CACNA1D: variants seen among roughly 807,000 people sequenced by gnomAD.
CACNA1D encodes the protein voltage-dependent L-type calcium channel subunit alpha-1D.
In CACNA1D, 55 loss-of-function variants were observed where a neutral mutation model predicts 257.1. That is an observed-to-expected ratio of 0.21 (90% CI 0.17 to 0.27). The LOEUF is 0.27. Among genes scored for constraint, CACNA1D ranks in the 10% least tolerant of loss-of-function variants. CACNA1D has a pLI of 1.00. For missense variants in CACNA1D, 1,876 were observed against 2,784.0 expected, an observed-to-expected ratio of 0.67 and a Z score of 7.34; for synonymous variants, 980 against 1,014.9, an observed-to-expected ratio of 0.97 and a Z score of 0.65.
At chr3:53,536,744 A>G (rs2092125666) in intron 3 of CACNA1D, among the ~76,000 whole-genome samples, 1 of 152,246 alleles carries the variant, frequency 6.6e-6, no homozygotes, top group Admixed American at 6.5e-5. Context: ...GTAAAGTTTT[A>G]TTGGAACACA....
chr3:53,736,469 A>G (rs1369761509), intron 20 of CACNA1D, among the ~76,000 whole-genome samples: 7 of 152,236 alleles, frequency 4.6e-5, no homozygotes, highest in Admixed American at 4.6e-4. Context: ...TTGGCCCCAG[A>G]TAGCCAATAT....
chr3:53,531,292 G>A (rs1365870416), intron 3 of CACNA1D, among the ~76,000 whole-genome samples: 1 of 152,112 alleles, frequency 6.6e-6, no homozygotes, highest in African/African-American at 2.4e-5. Context: ...TAAGAATAAT[G>A]CGTTTGGAAT....
At chr3:53,692,693 A>G (rs2094539001) in intron 8 of CACNA1D, among the ~76,000 whole-genome samples, 1 of 152,216 alleles carries the variant, frequency 6.6e-6, no homozygotes, top group Non-Finnish European at 1.5e-5. Context: ...ACCGACTCTG[A>G]AAATGATTCA....
At chr3:53,581,141 C>T (rs1302108323) in intron 3 of CACNA1D, among the ~76,000 whole-genome samples, 1 of 152,158 alleles carries the variant, frequency 6.6e-6, no homozygotes, top group African/African-American at 2.4e-5. Context: ...TGATGTGCAG[C>T]GCTTGTCAAA....
rs2095063491 is a variant in CACNA1D at position 53,736,960 on chromosome 3, TATCCATGGGTTTGGC to T, written c.2751+1466_2751+1480del. Among the ~76,000 whole-genome samples the T allele has an allele frequency of 1.3e-5, 2 of 151,512 alleles. 1 individual carries two copies. Among genetic ancestry groups the T allele is most frequent in the South Asian group, 4.2e-4 (2 of 4,796 alleles). On this transcript the variant is annotated intron_variant, in intron 20 of 47. Transcript: ENST00000350061. ...AGGTGGCTATCCAGTTAGCCCTCTG[TATCCATGGGTTTGGC>T]ATCCATGGATTCAACCAACCACAGA...
At chr3:53,649,285 A>G (rs1037827) in intron 3 of CACNA1D, among the ~76,000 whole-genome samples, 77,720 of 152,082 alleles carry the variant, frequency 0.51, 20,123 homozygotes, top group East Asian at 0.68. Context: ...ATGTTTCTGA[A>G]TATAAAGTGT....
intron 46 of CACNA1D, chr3:53,809,074 G>C: frequency 2.5e-6 from 1 of 404,874 alleles, no homozygotes; most frequent in East Asian, 5.1e-5. Flanking sequence ...TACAGAGCCT[G>C]ATGTGATCTG....
chr3:53,604,838 A>T (rs1348337003), intron 3 of CACNA1D, among the ~76,000 whole-genome samples: 1 of 152,164 alleles, frequency 6.6e-6, no homozygotes, highest in Non-Finnish European at 1.5e-5. Flanking sequence ...CTTCATTTCA[A>T]GGTCTGATAT....
intron 3 of CACNA1D, among the ~76,000 whole-genome samples, chr3:53,602,916 G>C (rs1452240137): frequency 6.6e-6 from 1 of 152,112 alleles, no homozygotes; most frequent in Non-Finnish European, 1.5e-5. Context: ...TCACTTTGTT[G>C]ACTGTTTCCT....
chr3:53,731,720 G>T (rs1377261426), intron 17 of CACNA1D, among the ~76,000 whole-genome samples: 1 of 152,252 alleles, frequency 6.6e-6, no homozygotes, highest in Non-Finnish European at 1.5e-5. Flanking sequence ...AGGAGTATGA[G>T]ATGCATTATC....
intron 3 of CACNA1D, among the ~76,000 whole-genome samples, chr3:53,507,442 C>G (rs1575700251): frequency 6.7e-6 from 1 of 150,094 alleles, no homozygotes; most frequent in African/African-American, 2.4e-5. Flanking sequence ...GATTCCATGT[C>G]TCCCCCCGCC....
At chr3:53,565,231 A>G (rs1042284436) in intron 3 of CACNA1D, among the ~76,000 whole-genome samples, 4 of 152,300 alleles carry the variant, frequency 2.6e-5, no homozygotes, top group African/African-American at 7.2e-5. Flanking sequence ...TCTTGATATC[A>G]GTAAGTCAAG....
chr3:53,588,539 G>A (rs2093254966), intron 3 of CACNA1D, among the ~76,000 whole-genome samples: 1 of 152,140 alleles, frequency 6.6e-6, no homozygotes, highest in East Asian at 1.9e-4. Context: ...AAGGAAATTG[G>A]ATTTGTGGAG....
intron 40 of CACNA1D, among the ~76,000 whole-genome samples, chr3:53,798,759 G>C (rs2095520800): frequency 6.6e-6 from 1 of 152,166 alleles, no homozygotes; most frequent in Non-Finnish European, 1.5e-5. Context: ...ATCATCACCA[G>C]CACTGGCATT....
rs150603312 is a variant in CACNA1D, at chr3:53,590,111, C to T, written c.484-60668C>T. ...CAGGACATCCCAGCCCTGGATGGAT[C>T]CAGCTAGTGGTCCTGGCCCTGCCTG... On this transcript the variant is annotated intron_variant, in intron 3 of 47. Transcript: ENST00000350061. 3.7e-3 allele frequency among the ~76,000 whole-genome samples: 568 copies of T among 152,364 alleles called. 1 individual carries two copies. The highest frequency in any genetic ancestry group is 6.9e-3 in the Non-Finnish European group (468 of 68,030).
At chr3:53,555,510 A>G (rs1359699457) in intron 3 of CACNA1D, among the ~76,000 whole-genome samples, 1 of 148,410 alleles carries the variant, frequency 6.7e-6, no homozygotes, top group Non-Finnish European at 1.5e-5. Context: ...GAACAGAGAA[A>G]TAAGTTGACA....
intron 20 of CACNA1D, among the ~76,000 whole-genome samples, chr3:53,736,197 T>A (rs2095055399): frequency 6.6e-6 from 1 of 152,012 alleles, no homozygotes; most frequent in Non-Finnish European, 1.5e-5. Context: ...AAAAATTAGC[T>A]GAGCGTGGTG....
intron 3 of CACNA1D, among the ~76,000 whole-genome samples, chr3:53,555,531 A>G (rs2092628615): frequency 6.7e-6 from 1 of 149,920 alleles, no homozygotes; most frequent in African/African-American, 2.5e-5. Context: ...AAAGGCACAT[A>G]TAAAAGAGAG....
intron 3 of CACNA1D, among the ~76,000 whole-genome samples, chr3:53,586,157 G>C (rs1333317528): frequency 6.6e-6 from 1 of 152,192 alleles, no homozygotes; most frequent in East Asian, 1.9e-4. Context: ...ATGGCTGGAT[G>C]CCCTGTTGAG....
Sources: allele counts gnomAD v4.1 joint callset (sites outside exome capture counted in the v4.1 genomes callset), GRCh38; gene constraint gnomAD v4.1.1; transcripts MANE v1.5; gene names NCBI Gene and HGNC (gene_info 2026-07-23, HGNC 2026-07-21).